KLHL5: variants seen among roughly 807,000 people sequenced by gnomAD.
KLHL5 encodes kelch like family member 5.
In KLHL5, 48 loss-of-function variants were observed where a neutral mutation model predicts 77.7. The ratio of observed to expected loss-of-function variants is 0.62; its 90% CI spans 0.49 to 0.79. The LOEUF (loss-of-function observed/expected upper bound fraction) is 0.79. Among genes scored for constraint, KLHL5 ranks in the 30% least tolerant of loss-of-function variants. The probability of loss-of-function intolerance (pLI) is 0.00; values close to 1 mark genes in which losing one functional copy is unlikely to be tolerated. For synonymous variants in KLHL5, 260 were observed against 297.0 expected (o/e 0.88, Z 1.28); for missense variants, 723 against 859.7 (o/e 0.84, Z 1.99).
intron 7 of KLHL5, among the ~76,000 whole-genome samples, chr4:39,105,428 C>A (rs968962057): frequency 6.6e-6 from 1 of 151,880 alleles, no homozygotes; most frequent in Non-Finnish European, 1.5e-5. Flanking sequence ...ATTATACTTG[C>A]GAGCCACTGC....
chr4:39,130,565 T>A (rs1253975020), downstream of KLHL5, among the ~76,000 whole-genome samples: 3 of 152,118 alleles, frequency 2.0e-5, no homozygotes, highest in Non-Finnish European at 4.4e-5. Context: ...CAAAGAATTT[T>A]AAAATACATA....
rs1457611827 is a variant in KLHL5, at chr4:39,123,703, G to A, written c.*2637G>A. Reference sequence around the variant, plus strand: ...CACTCTGCAAACTAGGAAGAAAAGGGAACTTTCTTAACCTGATAAAGACAT... The same window carrying A: ...CACTCTGCAAACTAGGAAGAAAAGGAAACTTTCTTAACCTGATAAAGACAT... On this transcript the variant is annotated 3_prime_UTR_variant, in exon 11 of 11. Transcript: ENST00000504108. Among the ~76,000 whole-genome samples, 1 of 152,022 alleles carries A rather than the reference G, an allele frequency of 6.6e-6. No individual in the cohort carries two copies. The highest frequency in any genetic ancestry group is 2.4e-5 in the African/African-American group (1 of 41,402).
At chr4:39,045,747 T>C (rs1297114046) in intron 1 of KLHL5, among the ~76,000 whole-genome samples, 5 of 152,100 alleles carry the variant, frequency 3.3e-5, no homozygotes, top group Non-Finnish European at 7.3e-5. Context: ...TCATTTCATT[T>C]TCAAAAATAT....
intron 10 of KLHL5, among the ~76,000 whole-genome samples, chr4:39,118,223 G>A (rs1453610742): frequency 1.3e-5 from 2 of 152,118 alleles, no homozygotes; most frequent in Admixed American, 1.3e-4. Flanking sequence ...AACCCTATAA[G>A]GTTGAGTTCT....
rs1294645659 is a variant in KLHL5, at chr4:39,081,531, G to A, written c.703+292G>A. 6.6e-6 allele frequency among the ~76,000 whole-genome samples: 1 copy of A among 152,046 alleles called. No homozygotes were observed. The highest frequency in any genetic ancestry group is 1.5e-5 in the Non-Finnish European group (1 of 68,020). On this transcript the variant is annotated intron_variant, in intron 3 of 10. Transcript: ENST00000504108. This position sits in a 1 kb window ranked among gnomAD's most constrained non-coding sequence, Gnocchi z 4.3. ...ATTTGAGAGTTGGCCAGGTGCAGTG[G>A]CTTATGCCTGTAAATCCCAGCACTT...
Position 39,062,263 on chromosome 4 carries a change from T to C in KLHL5, c.-390T>C, listed in dbSNP as rs1577643082. On this transcript the variant is annotated 5_prime_UTR_variant, in exon 1 of 11. Transcript: ENST00000504108. ...ACGGGGATAGTGTTTTCTGTCTCTG[T>C]CATTTGTGGTTTAAGAAAAAGGGGG... is the stretch of plus-strand genomic sequence containing the variant. 1 of 1,300,182 alleles carries C rather than the reference T, an allele frequency of 7.7e-7. No individual in the cohort carries two copies. The highest frequency in any genetic ancestry group is 3.3e-5 in the East Asian group (1 of 29,962). 80.5% of individuals were successfully genotyped at this position (1,300,182 alleles called of 1,614,324 possible).
rs182610424 is a variant in KLHL5, at chr4:39,104,798, G to A, written c.1525+1287G>A. Among the ~76,000 whole-genome samples, 29 of 149,922 alleles carry A rather than the reference G, an allele frequency of 1.9e-4. No homozygotes were observed. The East Asian group carries it at 4.9e-3, about 25-fold the overall frequency. ...TTTTTTTTTTTTGAGACGGAGTCTCGTTCTGTTGCCAGGCTGAAGTGCAGT... is the reference window on the plus strand; with the variant it reads ...TTTTTTTTTTTTGAGACGGAGTCTCATTCTGTTGCCAGGCTGAAGTGCAGT... On this transcript the variant is annotated intron_variant, in intron 7 of 10. Coordinates refer to ENST00000504108, the MANE Select transcript of KLHL5 (RefSeq NM_015990.5).
rs115646685 is a variant in KLHL5, at chr4:39,077,560, A to G, written c.566+1413A>G. 9.9e-3 allele frequency among the ~76,000 whole-genome samples: 1,509 copies of G among 152,260 alleles called. 22 individuals are homozygous for G. Among genetic ancestry groups the G allele is most frequent in the African/African-American group, 0.034 (1,415 of 41,552 alleles). ...CCTTACTCTTGCAAGAATGGCCACA[A>G]TCATAAAATCGAAAAATAATCAATG... On this transcript the variant is annotated intron_variant, in intron 2 of 10. Transcript: ENST00000504108.
intron 8 of KLHL5, among the ~76,000 whole-genome samples, chr4:39,111,808 G>A (rs115444343): frequency 2.1e-3 from 321 of 152,162 alleles, no homozygotes; most frequent in African/African-American, 7.1e-3. Context: ...ACCATATGTT[G>A]CTGTTTAAGA....
At chr4:39,063,166 G>GTGATATTA in intron 1 of KLHL5, 131 bp downstream of exon 1, 1 of 604,312 alleles carries the variant, frequency 1.7e-6, no homozygotes, top group Non-Finnish European at 2.6e-6. Flanking sequence ...TAATATCTTG[G>GTGATATTA]TATGAACATG....
downstream of KLHL5, among the ~76,000 whole-genome samples, chr4:39,129,335 A>G (rs35737896): frequency 0.53 from 80,028 of 151,658 alleles, 21,662 homozygotes; most frequent in Non-Finnish European, 0.59. This position sits in a 1 kb window ranked among gnomAD's most constrained non-coding sequence, Gnocchi z 4.2. Flanking sequence ...AGCCTCCTGA[A>G]TAGCTGGGAT....
chr4:39,076,625 A>G (rs1294284565), intron 2 of KLHL5, among the ~76,000 whole-genome samples: 2 of 152,128 alleles, frequency 1.3e-5, no homozygotes, highest in Admixed American at 6.6e-5. Context: ...TTTCCTACAA[A>G]TTACATATTA....
intron 1 of KLHL5, among the ~76,000 whole-genome samples, chr4:39,069,873 G>A (rs1015472413): frequency 6.6e-6 from 1 of 152,050 alleles, no homozygotes; most frequent in Non-Finnish European, 1.5e-5. Context: ...TAAATAAAAA[G>A]TCCAAGGATA....
chr4:39,122,781 C>G lies in KLHL5; in HGVS notation c.*1715C>G, dbSNP rs1035663761. Among the ~76,000 whole-genome samples the G allele has an allele frequency of 1.3e-5, 2 of 151,792 alleles. No individual in the cohort carries two copies. The highest frequency in any genetic ancestry group is 2.9e-5 in the Non-Finnish European group (2 of 67,974). On this transcript the variant is annotated 3_prime_UTR_variant, in exon 11 of 11. Transcript: ENST00000504108. ...TGTGCCAAGATCGCACCACTGCACT[C>G]CAGCCTGGGTGACAGAGCGAGACTC...
chr4:39,136,753 C>T, the KLHL5 span, among the ~76,000 whole-genome samples: 3 of 152,126 alleles, frequency 2.0e-5, no homozygotes, highest in African/African-American at 7.2e-5. Context: ...AGCCTGGGCA[C>T]GATGGGGAAG....
At position 39,096,071 on chromosome 4, in the gene KLHL5, T is replaced by C. The variant is rs1721037882; in HGVS notation, c.1114-621T>C. Among the ~76,000 whole-genome samples, 4 of 151,974 alleles carry C rather than the reference T, an allele frequency of 2.6e-5. No individual in the cohort carries two copies. The South Asian group carries it at 8.3e-4, about 32-fold the overall frequency. On this transcript the variant is annotated intron_variant, in intron 5 of 10. Transcript: ENST00000504108. ...TTGTTTTATTTAATTTCCAATGTGA[T>C]CATATTTTCATTTTATTTTTTAAAA...
intron 4 of KLHL5, among the ~76,000 whole-genome samples, chr4:39,084,939 T>C (rs1719914589): frequency 6.6e-6 from 1 of 152,178 alleles, no homozygotes; most frequent in Admixed American, 6.6e-5. Flanking sequence ...ACTGAACATA[T>C]AGGCTATTTC....
rs962779434 is a variant in KLHL5, at chr4:39,124,972, A to T, written c.*3906A>T. Among the ~76,000 whole-genome samples the T allele has an allele frequency of 2.0e-5, 3 of 152,158 alleles. No homozygotes were observed. Among genetic ancestry groups the T allele is most frequent in the Non-Finnish European group, 2.9e-5 (2 of 68,030 alleles). On this transcript the variant is annotated 3_prime_UTR_variant, in exon 11 of 11. Transcript: ENST00000504108. ...ATATAAGGAACTCCGATGCTCGACA[A>T]CAAAAAGACAAACCAATTTTAAAAT... is the stretch of plus-strand genomic sequence containing the variant.
upstream of KLHL5, chr4:39,062,153 T>G (rs1717473665): frequency 1.4e-6 from 1 of 724,552 alleles, no homozygotes; most frequent in Admixed American, 5.7e-5. Flanking sequence ...TATTTTTAAG[T>G]ACAAAGGGAA....
Sources: gnomAD v4.1 joint callset for allele counts (sites outside exome capture counted in the v4.1 genomes callset) on GRCh38, gnomAD v4.1.1 for gene constraint, Gnocchi (gnomAD v3.1) non-coding constraint, MANE v1.5 for transcripts, NCBI Gene and HGNC (gene_info 2026-07-23, HGNC 2026-07-21) for gene names.